LRP1B: variants seen among roughly 807,000 people sequenced by gnomAD.
LRP1B encodes the protein LDL receptor related protein 1B.
In LRP1B, 217 loss-of-function variants were observed where a neutral mutation model predicts 556.6. The observed-to-expected ratio is 0.39, with a 90% CI of 0.35 to 0.44. The LOEUF (loss-of-function observed/expected upper bound fraction) is 0.44. LRP1B is among the 20% of genes least tolerant of loss of function. LRP1B has a pLI of 1.00. For missense variants in LRP1B, 5,053 were observed against 5,620.8 expected (o/e 0.90, Z 3.23); for synonymous variants, 2,047 against 1,865.8 (o/e 1.10, Z -2.50).
chr2:141,897,511 G>A (rs10496906), intron 1 of LRP1B, among the ~76,000 whole-genome samples: 64,694 of 151,888 alleles, frequency 0.43, 13,875 homozygotes, highest in Admixed American at 0.49. Context: ...GAGTCTAAAT[G>A]GAGGTATACA....
chr2:140,724,905 A>T (rs1265569522), intron 35 of LRP1B, among the ~76,000 whole-genome samples: 1 of 152,198 alleles, frequency 6.6e-6, no homozygotes, highest in Admixed American at 6.5e-5. Context: ...GGTTGCACAT[A>T]CATTTCTTCT....
chr2:140,801,422 C>A (rs1266322300), intron 32 of LRP1B, among the ~76,000 whole-genome samples: 1 of 152,068 alleles, frequency 6.6e-6, no homozygotes, highest in Admixed American at 6.6e-5. Context: ...GAACAGTTTA[C>A]CCGGATGTAG....
intron 2 of LRP1B, among the ~76,000 whole-genome samples, chr2:141,791,556 G>A (rs192381856): frequency 1.3e-5 from 2 of 152,090 alleles, no homozygotes; most frequent in Admixed American, 6.6e-5. Context: ...CTTTAGTAGT[G>A]CCTAATATTT....
intron 43 of LRP1B, among the ~76,000 whole-genome samples, chr2:140,547,998 G>A (rs981870876): frequency 6.7e-6 from 1 of 149,238 alleles, no homozygotes; most frequent in African/African-American, 2.5e-5. Context: ...AATGATTACT[G>A]CAAAGGAATG....
chr2:141,315,167 T>C (rs1686978884), intron 3 of LRP1B, among the ~76,000 whole-genome samples: 1 of 150,234 alleles, frequency 6.7e-6, no homozygotes, highest in Non-Finnish European at 1.5e-5. Flanking sequence ...AGAAACTTTT[T>C]GAATGTTGAA....
intron 5 of LRP1B, among the ~76,000 whole-genome samples, chr2:141,242,849 T>C (rs2105319256): frequency 6.6e-6 from 1 of 152,214 alleles, no homozygotes; most frequent in South Asian, 2.1e-4. Context: ...AGTCTGAATT[T>C]ATTAGGAGTA....
intron 2 of LRP1B, among the ~76,000 whole-genome samples, chr2:141,786,961 G>T (rs1183198850): frequency 6.6e-6 from 1 of 151,734 alleles, no homozygotes; most frequent in East Asian, 1.9e-4. Flanking sequence ...TTTTAATATT[G>T]AAACAATCCA....
At chr2:140,367,654 T>A (rs1468130520) in intron 71 of LRP1B, among the ~76,000 whole-genome samples, 2 of 151,804 alleles carry the variant, frequency 1.3e-5, no homozygotes, top group African/African-American at 4.8e-5. Context: ...CAGTATGCAG[T>A]CCTTAGTACT....
chr2:140,726,003 C>A (rs910760364), intron 35 of LRP1B, among the ~76,000 whole-genome samples: 1 of 152,130 alleles, frequency 6.6e-6, no homozygotes, highest in Non-Finnish European at 1.5e-5. Flanking sequence ...AAGAGACAGC[C>A]ACAACTCAGA....
In LRP1B at chr2:140,478,294, G is replaced by GGCCC. The variant is rs1203650657; in HGVS notation, c.9426-2961_9426-2958dup. Among the ~76,000 whole-genome samples, 5 of 151,286 alleles carry GGCCC rather than the reference G, an allele frequency of 3.3e-5. No homozygotes were observed. In the East Asian group the frequency reaches 7.8e-4, roughly 24 times the overall value. ...CCTCCTGAGTAGCTGGGACTACAGG[G>GGCCC]GCCCGCCACCACGCCTGGCTAATTT... On this transcript the variant is annotated intron_variant, in intron 59 of 90. Coordinates refer to ENST00000389484, the MANE Select transcript of LRP1B (RefSeq NM_018557.3).
chr2:140,355,804 A>AT (rs1235687039), intron 75 of LRP1B, among the ~76,000 whole-genome samples: 2 of 152,010 alleles, frequency 1.3e-5, no homozygotes, highest in East Asian at 3.9e-4. Flanking sequence ...TTACTATAAG[A>AT]TTTTGGCTAT....
intron 2 of LRP1B, among the ~76,000 whole-genome samples, chr2:141,524,263 AATAT>A (rs76874852): frequency 6.8e-6 from 1 of 148,050 alleles, no homozygotes. Flanking sequence ...ATAAGCAAAG[AATAT>A]ATATATATAT....
At chr2:141,548,672 A>C (rs1434899760) in intron 2 of LRP1B, among the ~76,000 whole-genome samples, 1 of 152,138 alleles carries the variant, frequency 6.6e-6, no homozygotes, top group Non-Finnish European at 1.5e-5. Context: ...TTGTTAATCC[A>C]TATTACTGTG....
intron 1 of LRP1B, among the ~76,000 whole-genome samples, chr2:141,814,775 A>G (rs564689746): frequency 6.6e-6 from 1 of 152,318 alleles, no homozygotes; most frequent in South Asian, 2.1e-4. Flanking sequence ...ACTGGAAACA[A>G]AAGAGAACTG....
chr2:140,932,625 T>A (rs1695081694), intron 20 of LRP1B, among the ~76,000 whole-genome samples: 1 of 151,888 alleles, frequency 6.6e-6, no homozygotes, highest in African/African-American at 2.4e-5. Context: ...TTAATTACAG[T>A]GCTTTGGGAG....
chr2:141,988,733 C>T (rs1702266320), intron 1 of LRP1B, among the ~76,000 whole-genome samples: 1 of 152,002 alleles, frequency 6.6e-6, no homozygotes, highest in Non-Finnish European at 1.5e-5. Flanking sequence ...GTTAAAACAG[C>T]TCAGTTTTCT....
At chr2:141,995,635 T>C (rs183622916) in intron 1 of LRP1B, among the ~76,000 whole-genome samples, 1 of 152,246 alleles carries the variant, frequency 6.6e-6, no homozygotes, top group Admixed American at 6.5e-5. Context: ...GGAAAAACAA[T>C]AATACAAATA....
At chr2:140,350,268 T>A (rs901523224) in intron 77 of LRP1B, among the ~76,000 whole-genome samples, 1 of 152,040 alleles carries the variant, frequency 6.6e-6, no homozygotes, top group Non-Finnish European at 1.5e-5. Context: ...ATAATCAACA[T>A]GTCCAGCATA....
At chr2:141,082,267 G>A (rs534474449) in intron 7 of LRP1B, among the ~76,000 whole-genome samples, 7 of 152,344 alleles carry the variant, frequency 4.6e-5, no homozygotes, top group African/African-American at 1.7e-4. Flanking sequence ...AAAATCTCAA[G>A]AGGCCATAGC....
Sources: allele counts gnomAD v4.1 joint callset (sites outside exome capture counted in the v4.1 genomes callset), GRCh38; gene constraint gnomAD v4.1.1; transcripts MANE v1.5; gene names NCBI Gene and HGNC (gene_info 2026-07-23, HGNC 2026-07-21).